NRG3: variants seen among roughly 807,000 people sequenced by gnomAD.
NRG3 encodes neuregulin 3.
NRG3 carries 31 observed loss-of-function variants against 66.9 expected under a neutral mutation model. That is an observed-to-expected ratio of 0.46 (90% CI 0.35 to 0.63). NRG3 has a LOEUF of 0.63. NRG3 is among the 20% of genes least tolerant of loss of function. The pLI is 0.00. For missense variants in NRG3, 910 were observed against 878.9 expected (o/e 1.04, Z -0.45); for synonymous variants, 393 against 359.4 (o/e 1.09, Z -1.06).
intron 1 of NRG3, among the ~76,000 whole-genome samples, chr10:81,880,260 A>G (rs1445882435): frequency 6.6e-6 from 1 of 152,082 alleles, no homozygotes; most frequent in Non-Finnish European, 1.5e-5. Context: ...GCATTAAGAC[A>G]ATGCGGTTTA....
At chr10:82,978,872 C>T in intron 7 of NRG3, 78 bp from the exon 8 acceptor site, 2 of 1,456,828 alleles carry the variant, frequency 1.4e-6, no homozygotes, top group Non-Finnish European at 1.9e-6. Context: ...GTTTGCAAAG[C>T]TTGAGCAGCC....
chr10:82,981,535 G>C (rs1298962308), intron 8 of NRG3, among the ~76,000 whole-genome samples: 1 of 152,182 alleles, frequency 6.6e-6, no homozygotes, highest in East Asian at 1.9e-4. Context: ...GCCTGGAGGA[G>C]GGGGAAATGA....
At chr10:82,559,927 A>G (rs888669758) in intron 2 of NRG3, among the ~76,000 whole-genome samples, 9 of 152,164 alleles carry the variant, frequency 5.9e-5, no homozygotes, top group Non-Finnish European at 1.3e-4. Context: ...TAAATAAAAA[A>G]TTTACAAGTT....
chr10:82,418,939 T>C (rs1366880861), intron 2 of NRG3, among the ~76,000 whole-genome samples: 1 of 152,064 alleles, frequency 6.6e-6, no homozygotes, highest in East Asian at 1.9e-4. Flanking sequence ...TCCTGAAGAT[T>C]TACTGAGCTA....
At chr10:82,036,048 G>A (rs1423875304) in intron 1 of NRG3, among the ~76,000 whole-genome samples, 2 of 152,016 alleles carry the variant, frequency 1.3e-5, no homozygotes, top group East Asian at 3.9e-4. Context: ...TTCTGCCATG[G>A]AGTCTGGGAC....
intron 1 of NRG3, among the ~76,000 whole-genome samples, chr10:81,893,221 C>T (rs1049663976): frequency 2.0e-5 from 3 of 146,730 alleles, no homozygotes; most frequent in Admixed American, 2.0e-4. Context: ...TATGTATTTG[C>T]AAAATGAAGT....
chr10:82,551,652 C>A (rs1045002585), intron 2 of NRG3, among the ~76,000 whole-genome samples: 4 of 151,424 alleles, frequency 2.6e-5, no homozygotes, highest in African/African-American at 9.7e-5. Context: ...AAACAACTAC[C>A]TAGCTTAATG....
intron 3 of NRG3, among the ~76,000 whole-genome samples, chr10:82,850,713 C>A (rs1241433244): frequency 2.1e-3 from 291 of 137,390 alleles, no homozygotes; most frequent in East Asian, 2.5e-3. Context: ...TTTTTAAGAG[C>A]AAAAAAAAAA....
chr10:81,972,894 GTAATT>G (rs1368053876), intron 1 of NRG3, among the ~76,000 whole-genome samples: 3 of 152,098 alleles, frequency 2.0e-5, no homozygotes, highest in Non-Finnish European at 4.4e-5. Context: ...TTAATACAAT[GTAATT>G]TAATTTAATT....
At chr10:82,961,197 G>A (rs1006132131) in intron 6 of NRG3, among the ~76,000 whole-genome samples, 6 of 152,142 alleles carry the variant, frequency 3.9e-5, no homozygotes, top group Non-Finnish European at 5.9e-5. Context: ...AGGTATAAAC[G>A]TAATAAGGTG....
intron 2 of NRG3, among the ~76,000 whole-genome samples, chr10:82,389,161 A>T (rs1330241038): frequency 6.6e-6 from 1 of 152,224 alleles, no homozygotes; most frequent in Non-Finnish European, 1.5e-5. Context: ...AGGAAAATTA[A>T]GTATTTGTCT....
chr10:82,106,725 C>G (rs1170110469), intron 1 of NRG3, among the ~76,000 whole-genome samples: 6 of 151,912 alleles, frequency 3.9e-5, no homozygotes, highest in Non-Finnish European at 5.9e-5. Context: ...AGGCTGGTCT[C>G]GAACTCCTGA....
At position 82,955,931 on chromosome 10, in the gene NRG3, A is replaced by T. The variant is rs563629811; in HGVS notation, c.1158-3018A>T. The stretch of plus-strand genomic sequence containing the variant: ...AGACCTTTTCCCCAACTTCAGGTGC[A>T]AGACCATGCCAGCTTCAGAGCTCCC... On this transcript the variant is annotated intron_variant, in intron 5 of 8. Coordinates refer to ENST00000372141, the MANE Select transcript of NRG3 (RefSeq NM_001010848.4). 1.3e-4 allele frequency among the ~76,000 whole-genome samples: 19 copies of T among 151,984 alleles called. No homozygotes were observed. The South Asian group carries it at 3.5e-3, about 28-fold the overall frequency.
rs1434845140 is a variant in NRG3, at chr10:82,112,764, G to A, written c.823+236601G>A. Among the ~76,000 whole-genome samples, 4 of 152,108 alleles carry A rather than the reference G, an allele frequency of 2.6e-5. No individual in the cohort carries two copies. The East Asian group carries it at 5.8e-4, about 22-fold the overall frequency. ...AAGAAGCTCCATAATGTCACCAACTGTAACCATAGTCACCTGATTTTTGCC... is the reference window on the plus strand; with the variant it reads ...AAGAAGCTCCATAATGTCACCAACTATAACCATAGTCACCTGATTTTTGCC... On this transcript the variant is annotated intron_variant, in intron 1 of 8. Transcript: ENST00000372141.
chr10:82,061,810 C>T (rs537658130), intron 1 of NRG3, among the ~76,000 whole-genome samples: 1 of 151,818 alleles, frequency 6.6e-6, no homozygotes, highest in South Asian at 2.1e-4. Context: ...TCCCTCCTTT[C>T]CTTCTGTTCT....
chr10:82,685,084 A>C (rs901260576), intron 2 of NRG3, among the ~76,000 whole-genome samples: 2 of 152,156 alleles, frequency 1.3e-5, no homozygotes, highest in Non-Finnish European at 2.9e-5. Flanking sequence ...ATAAATAAGA[A>C]AAAATATGAA....
At chr10:82,169,425 T>C (rs1375520873) in intron 1 of NRG3, among the ~76,000 whole-genome samples, 1 of 151,930 alleles carries the variant, frequency 6.6e-6, no homozygotes, top group African/African-American at 2.4e-5. Context: ...TTATATATTA[T>C]TAGTTTTTGT....
intron 1 of NRG3, among the ~76,000 whole-genome samples, chr10:82,262,102 C>T (rs1011987311): frequency 2.6e-5 from 4 of 152,184 alleles, no homozygotes; most frequent in Admixed American, 6.5e-5. Flanking sequence ...CCTGCAGAAC[C>T]ATGAGCGAAC....
At chr10:82,527,077 A>G (rs746045204) in intron 2 of NRG3, among the ~76,000 whole-genome samples, 12 of 152,094 alleles carry the variant, frequency 7.9e-5, no homozygotes, top group Admixed American at 2.0e-4. Context: ...ATATTCAGGA[A>G]TGTTTCATAC....
Sources: allele counts gnomAD v4.1 joint callset (sites outside exome capture counted in the v4.1 genomes callset), GRCh38; gene constraint gnomAD v4.1.1; transcripts MANE v1.5; gene names NCBI Gene and HGNC (gene_info 2026-07-23, HGNC 2026-07-21).